Variants in PGBD1 observed in about 807,000 individuals in gnomAD.
PGBD1 encodes the protein piggyBac transposable element derived 1.
In PGBD1, 25 loss-of-function variants were observed where a neutral mutation model predicts 34.7. The observed-to-expected ratio is 0.72, with a 90% CI of 0.52 to 1.00. PGBD1 has a LOEUF of 1.00. Ranked by LOEUF, PGBD1 falls within the 50% of genes least tolerant of loss-of-function variation. The pLI is 0.00. For synonymous variants in PGBD1, 292 were observed against 335.7 expected (o/e 0.87, Z 1.42); for missense variants, 830 against 959.4 (o/e 0.87, Z 1.78).
At position 28,297,916 on chromosome 6, in the gene PGBD1, A is replaced by C; in HGVS notation, c.794A>C (p.Asp265Ala). Residue 265 changes from aspartate (D) to alanine (A), a missense_variant, in exon 6 of 7, where the codon GAT becomes GCT. Physicochemically the swap from Asp to Ala is moderately radical, Grantham distance 126. Coordinates refer to ENST00000682144, the MANE Select transcript of PGBD1 (RefSeq NM_032507.4). ...TTAGCTGAAGAAATTGTAACTAAAG[A>C]TAGATTGTTTAAAGCAAAGCAAGAA... ...SPMTEEIVTK[D>A]RLFKAKQETS... The C allele has an allele frequency of 6.4e-7, 1 of 1,553,944 alleles. No individual in the cohort carries two copies. Among genetic ancestry groups the C allele is most frequent in the Non-Finnish European group, 8.8e-7 (1 of 1,138,758 alleles).
chr6:28,287,708 C>T (rs1424188278), intron 4 of PGBD1, among the ~76,000 whole-genome samples: 1 of 151,562 alleles, frequency 6.6e-6, no homozygotes. Flanking sequence ...AAAAAAATAA[C>T]TCTCTCATTT....
At chr6:28,290,253 G>T (rs1174269994) in intron 4 of PGBD1, among the ~76,000 whole-genome samples, 1 of 152,060 alleles carries the variant, frequency 6.6e-6, no homozygotes, top group Non-Finnish European at 1.5e-5. Context: ...GTGCCACCAT[G>T]CCTGGGTAAT....
At chr6:28,293,096 T>C (rs1392168527) in intron 4 of PGBD1, among the ~76,000 whole-genome samples, 2 of 152,040 alleles carry the variant, frequency 1.3e-5, no homozygotes, top group South Asian at 2.1e-4. Flanking sequence ...GCAAGCGCCA[T>C]CACGCCCAGC....
At chr6:28,287,026 G>A in intron 3 of PGBD1, 54 bp from the exon 4 acceptor site, 3 of 1,394,152 alleles carry the variant, frequency 2.2e-6, no homozygotes, top group Non-Finnish European at 3.1e-6. Context: ...TCCAAAAAGG[G>A]TACCCTAAAG....
In PGBD1 at chr6:28,300,882, GAAA is replaced by G; in HGVS notation, c.1033_1035del (p.Lys345del). 1 of 1,613,994 alleles carries G rather than the reference GAAA, an allele frequency of 6.2e-7. No homozygotes were observed. The highest frequency in any genetic ancestry group is 1.1e-5 in the South Asian group (1 of 91,080). ...GCAGGAGACATTACCCGAAAAGGGA[GAAA>G]AAAAGACAAAGCTCGAGTGAGTGAA... is the stretch of plus-strand genomic sequence containing the variant. On this transcript the variant is annotated inframe_deletion, in exon 7 of 7. Transcript: ENST00000682144. The surrounding 1 kb of genome is among the most constrained non-coding windows in gnomAD (Gnocchi z 4.0).
At chr6:28,289,566 G>T (rs1349493679) in intron 4 of PGBD1, among the ~76,000 whole-genome samples, 2 of 152,172 alleles carry the variant, frequency 1.3e-5, no homozygotes, top group African/African-American at 4.8e-5. Flanking sequence ...GTGACATACA[G>T]TATACTCACA....
At chr6:28,285,472 C>T (rs1762257016) in intron 2 of PGBD1, 79 bp from the exon 3 acceptor site, 1 of 1,414,790 alleles carries the variant, frequency 7.1e-7, no homozygotes, top group Admixed American at 2.3e-5. Flanking sequence ...GCTGTATCCC[C>T]AGCATGTAGA....
At chr6:28,295,646 A>G (rs1333560760) in intron 4 of PGBD1, among the ~76,000 whole-genome samples, 1 of 152,236 alleles carries the variant, frequency 6.6e-6, no homozygotes, top group Non-Finnish European at 1.5e-5. Context: ...GCAATAAAGT[A>G]TTTTTAAATT....
At chr6:28,291,393 G>A (rs1762447193) in intron 4 of PGBD1, among the ~76,000 whole-genome samples, 1 of 151,904 alleles carries the variant, frequency 6.6e-6, no homozygotes, top group Non-Finnish European at 1.5e-5. Context: ...ATTGGACCAT[G>A]AAAAAATAGA....
chr6:28,285,583 C>T lies in PGBD1; in HGVS notation c.429C>T (p.His143=), dbSNP rs765646521. ...TCTATATTCAGGGACAGGACATGCA[C>T]CCAATGGTGGCAGAATATCAAGGAG... The part of the protein sequence containing the change: ...ASVYIQGQDM[H]PMVAEYQGVS... The change falls in exon 3 of 7, where the codon CAC becomes CAT. Residue 143 remains histidine, a synonymous_variant. Coordinates refer to ENST00000682144, the MANE Select transcript of PGBD1 (RefSeq NM_032507.4). The T allele has an allele frequency of 3.3e-5, 53 of 1,613,974 alleles. No individual in the cohort carries two copies. Among genetic ancestry groups the T allele is most frequent in the Non-Finnish European group, 1.1e-5 (13 of 1,180,014 alleles).
In PGBD1 at chr6:28,301,354, GA is replaced by G. The variant is rs751652211; in HGVS notation, c.1501del (p.Ile501PhefsTer13). 6.8e-6 allele frequency: 11 copies of G among 1,613,928 alleles called. No individual in the cohort carries two copies. The highest frequency in any genetic ancestry group is 8.5e-6 in the Non-Finnish European group (10 of 1,180,008). On this transcript the variant is annotated frameshift_variant, in exon 7 of 7. Coordinates refer to ENST00000682144, the MANE Select transcript of PGBD1 (RefSeq NM_032507.4). LOFTEE classifies it low-confidence loss of function (END_TRUNC). Reference sequence around the variant, plus strand: ...CAATCAGAAGGGACAGATTTGAATTGATTTTCTCAAACCTGCACTTTGCAGA... The same window carrying G: ...CAATCAGAAGGGACAGATTTGAATTGTTTTCTCAAACCTGCACTTTGCAGA... ...DAIRRDRFEL[I>X]FSNLHFADNG...
At position 28,301,478 on chromosome 6, in the gene PGBD1, T is replaced by C. The variant is rs1204976453; in HGVS notation, c.1624T>C (p.Tyr542His). ...CCTCTTGTATGCTCCCCTGGAAGAA[T>C]ACTATTGCTTTGATAAGTCAATGTG... Reference protein sequence around the residue: ...NFLLYAPLEEYYCFDKSMCEC... With the variant: ...NFLLYAPLEEHYCFDKSMCEC... Residue 542 changes from tyrosine to histidine, a missense_variant, in exon 7 of 7, where the codon TAC becomes CAC. Transcript: ENST00000682144. 1.9e-6 allele frequency: 3 copies of C among 1,613,906 alleles called. No individual in the cohort carries two copies. Among genetic ancestry groups the C allele is most frequent in the African/African-American group, 1.3e-5 (1 of 74,940 alleles).
At position 28,301,542 on chromosome 6, in the gene PGBD1, C is replaced by G. The variant is rs377057334; in HGVS notation, c.1688C>G (p.Pro563Arg). 1.9e-6 allele frequency: 3 copies of G among 1,613,994 alleles called. No individual in the cohort carries two copies. The highest frequency in any genetic ancestry group is 2.5e-6 in the Non-Finnish European group (3 of 1,180,034). The change falls in exon 7 of 7, where the codon CCT becomes CGT. Residue 563 changes from proline to arginine, a missense_variant. Around this residue, in one of 3 missense-constraint regions of PGBD1, gnomAD observed 372 missense variants for 427.9 expected, o/e 0.87. Coordinates refer to ENST00000682144, the MANE Select transcript of PGBD1 (RefSeq NM_032507.4). ...FDSDQFLNGK[P>R]IRIGYKIWCG... The stretch of plus-strand genomic sequence containing the variant: ...AGTGACCAATTCCTGAATGGAAAGC[C>G]TATTAGAATTGGCTATAAAATTTGG...
chr6:28,284,258 G>A lies in PGBD1; in HGVS notation c.396+49G>A. 3.4e-6 allele frequency: 5 copies of A among 1,452,814 alleles called. No homozygotes were observed. The South Asian group carries it at 6.4e-5, about 19-fold the overall frequency. The allele number at this position is 1,452,814 out of a possible 1,614,324, so 90.0% of individuals were successfully genotyped here. ...ATGTGGGAGAAGAAAAGGGGGACAT[G>A]TATCGGTTTATTTTTAACGTTTTAT... On this transcript the variant is annotated intron_variant, in intron 2 of 6. Coordinates refer to ENST00000682144, the MANE Select transcript of PGBD1 (RefSeq NM_032507.4).
At chr6:28,293,895 T>C (rs1239313378) in intron 4 of PGBD1, among the ~76,000 whole-genome samples, 2 of 152,166 alleles carry the variant, frequency 1.3e-5, no homozygotes, top group African/African-American at 4.8e-5. Flanking sequence ...GTGACCTCTA[T>C]GTGTTCAAGT....
chr6:28,294,798 C>T (rs1364259606), intron 4 of PGBD1, among the ~76,000 whole-genome samples: 1 of 152,212 alleles, frequency 6.6e-6, no homozygotes, highest in East Asian at 1.9e-4. Flanking sequence ...CACACAAGAG[C>T]TCTGAAGGAG....
In PGBD1 at chr6:28,302,405, T is replaced by C. The variant is rs1762876453; in HGVS notation, c.*121T>C. On this transcript the variant is annotated 3_prime_UTR_variant, in exon 7 of 7. Coordinates refer to ENST00000682144, the MANE Select transcript of PGBD1 (RefSeq NM_032507.4). The stretch of plus-strand genomic sequence containing the variant: ...GTAATGAAGTTATTAAATAATACTT[T>C]TAAAAATCAGACATTTATATAGAGT... The C allele has an allele frequency of 9.7e-7, 1 of 1,031,324 alleles. No individual in the cohort carries two copies. The highest frequency in any genetic ancestry group is 1.4e-6 in the Non-Finnish European group (1 of 737,034). The allele number at this position is 1,031,324 out of a possible 1,614,324, so 63.9% of individuals were successfully genotyped here. A position where few individuals can be genotyped will look rare whatever the true frequency, so the allele number is the denominator to read the frequency against.
At position 28,287,159 on chromosome 6, in the gene PGBD1, C is replaced by T. The variant is rs1355954681; in HGVS notation, c.633C>T (p.Val211=). 5 of 1,612,314 alleles carry T rather than the reference C, an allele frequency of 3.1e-6. No individual in the cohort carries two copies. Among genetic ancestry groups the T allele is most frequent in the Non-Finnish European group, 4.2e-6 (5 of 1,178,508 alleles). Residue 211 remains valine, a synonymous_variant, in exon 4 of 7, where the codon GTC becomes GTT. Transcript: ENST00000682144. ...CTGTAGTGCCTGTGTTTAACCCAGT[C>T]AGGTCCCAGGTAAGTAGGATGCCCA... is the stretch of plus-strand genomic sequence containing the variant. ...DKAVVPVFNP[V]RSQTLVKTEE...
chr6:28,292,179 C>A (rs1762478059), intron 4 of PGBD1, among the ~76,000 whole-genome samples: 1 of 152,034 alleles, frequency 6.6e-6, no homozygotes, highest in Non-Finnish European at 1.5e-5. Flanking sequence ...CCTCGAAAAA[C>A]CTGAAGACTA....
Sources: gnomAD v4.1 joint callset for allele counts (sites outside exome capture counted in the v4.1 genomes callset) on GRCh38, gnomAD v4.1.1 for gene constraint, gnomAD v4.1.1 regional missense constraint, Gnocchi (gnomAD v3.1) non-coding constraint, MANE v1.5 for transcripts, NCBI Gene and HGNC (gene_info 2026-07-23, HGNC 2026-07-21) for gene names.